DYNC1H1: variants seen among roughly 807,000 people sequenced by gnomAD.
DYNC1H1 encodes the protein dynein cytoplasmic 1 heavy chain 1, also known as cytoplasmic dynein 1 heavy chain 1.
DYNC1H1 carries 51 observed loss-of-function variants against 527.1 expected under a neutral mutation model. The ratio of observed to expected loss-of-function variants is 0.10; its 90% CI spans 0.08 to 0.12. DYNC1H1 has a LOEUF of 0.12. Among genes scored for constraint, DYNC1H1 ranks in the 10% least tolerant of loss-of-function variants. The pLI is 1.00. For synonymous variants in DYNC1H1, 2,189 were observed against 2,278.8 expected (o/e 0.96, Z 1.12); for missense variants, 2,771 against 5,971.8 (o/e 0.46, Z 17.66).
chr14:102,015,274 A>G lies in DYNC1H1; in HGVS notation c.7184A>G (p.Gln2395Arg), dbSNP rs2048306807. 1.2e-6 allele frequency: 2 copies of G among 1,614,246 alleles called. No individual in the cohort carries two copies. The highest frequency in any genetic ancestry group is 2.2e-5 in the East Asian group (1 of 44,880). ...CTGGATGAAGGGGAGGATGAGGCAC[A>G]GCGGCGGCGTAAGGGCAAAGAGGAT... Reference protein sequence around the residue: ...IPLDEGEDEAQRRRKGKEDEG... With the variant: ...IPLDEGEDEARRRRKGKEDEG... The change falls in exon 35 of 78, where the codon CAG (glutamine) becomes CGG (arginine). Residue 2395 changes from glutamine (Q) to arginine (R), a missense_variant. Gln to Arg is a conservative substitution (Grantham distance 43). Around this residue, in one of 32 missense-constraint regions of DYNC1H1, gnomAD observed 122 missense variants for 168.4 expected, o/e 0.72. Transcript: ENST00000360184. The surrounding 1 kb of genome is among the most constrained non-coding windows in gnomAD (Gnocchi z 6.9).
chr14:101,986,346 G>A lies in DYNC1H1; in HGVS notation c.2121G>A (p.Gln707=). The A allele has an allele frequency of 1.2e-6, 2 of 1,614,112 alleles. No individual in the cohort carries two copies. Among genetic ancestry groups the A allele is most frequent in the Non-Finnish European group, 1.7e-6 (2 of 1,180,002 alleles). ...TTGATGACTGGGCAAGGAAGGTGCA[G>A]CAGCGCAACCTCGGTGTCTCGGGGC... ...EIFDDWARKV[Q]QRNLGVSGRI... is the part of the protein sequence containing the mutation. Residue 707 remains glutamine (Q), a synonymous_variant, in exon 8 of 78, where the codon CAG becomes CAA. Transcript: ENST00000360184. The surrounding 1 kb of genome is among the most constrained non-coding windows in gnomAD (Gnocchi z 8.7).
intron 23 of DYNC1H1, among the ~76,000 whole-genome samples, chr14:102,004,052 T>C (rs1010353104): frequency 5.3e-5 from 8 of 151,706 alleles, no homozygotes; most frequent in Non-Finnish European, 7.4e-5. Flanking sequence ...CCATCCTGGC[T>C]AACATGGTGA....
Position 102,017,512 on chromosome 14 carries a change from A to G in DYNC1H1, c.8177+8A>G. On this transcript the variant is annotated splice_region_variant and intron_variant, in intron 40 of 77. Coordinates refer to ENST00000360184, the MANE Select transcript of DYNC1H1 (RefSeq NM_001376.5). The surrounding 1 kb of genome is among the most constrained non-coding windows in gnomAD (Gnocchi z 4.6). ...AAAGCCCCTCTCACACAGGTAAAACAGCTCGGTAGACTGCTCTGCTTCACA... is the reference window on the plus strand; with the variant it reads ...AAAGCCCCTCTCACACAGGTAAAACGGCTCGGTAGACTGCTCTGCTTCACA... The G allele has an allele frequency of 6.2e-7, 1 of 1,613,754 alleles. No homozygotes were observed. Among genetic ancestry groups the G allele is most frequent in the Non-Finnish European group, 8.5e-7 (1 of 1,180,014 alleles).
Position 102,044,708 on chromosome 14 carries a change from A to G in DYNC1H1, c.13006+10A>G. On this transcript the variant is annotated intron_variant, in intron 72 of 77. Coordinates refer to ENST00000360184, the MANE Select transcript of DYNC1H1 (RefSeq NM_001376.5). The surrounding 1 kb of genome is among the most constrained non-coding windows in gnomAD (Gnocchi z 7.1). ...CTCCTTACCACACAGGGTAGGCAAC[A>G]AGGATCCTCCCCACACGCAGGGTGG... The G allele has an allele frequency of 1.9e-6, 3 of 1,613,200 alleles. No individual in the cohort carries two copies. The highest frequency in any genetic ancestry group is 1.7e-6 in the Non-Finnish European group (2 of 1,179,954).
At chr14:102,013,713 T>G (rs1016735330) in intron 34 of DYNC1H1, among the ~76,000 whole-genome samples, 4 of 152,038 alleles carry the variant, frequency 2.6e-5, no homozygotes, top group Non-Finnish European at 5.9e-5. Flanking sequence ...TGTTGCCTGA[T>G]GTATGTCCAT....
chr14:101,992,081 A>G (rs1430773519), intron 11 of DYNC1H1, among the ~76,000 whole-genome samples: 1 of 152,120 alleles, frequency 6.6e-6, no homozygotes, highest in African/African-American at 2.4e-5. Context: ...CCCCCACCAG[A>G]TTATCTTGAA....
At position 102,032,265 on chromosome 14, in the gene DYNC1H1, C is replaced by T; in HGVS notation, c.9884-7C>T. On this transcript the variant is annotated splice_polypyrimidine_tract_variant and splice_region_variant and intron_variant, in intron 51 of 77. Coordinates refer to ENST00000360184, the MANE Select transcript of DYNC1H1 (RefSeq NM_001376.5). Reference sequence around the variant, plus strand: ...ATCGACCCTCATCCACTCCTGCTGCCACTCAGCTGTGAAGTCGATCAAGAA... The same window carrying T: ...ATCGACCCTCATCCACTCCTGCTGCTACTCAGCTGTGAAGTCGATCAAGAA... 1 of 1,613,558 alleles carries T rather than the reference C, an allele frequency of 6.2e-7. No homozygotes were observed. The highest frequency in any genetic ancestry group is 8.5e-7 in the Non-Finnish European group (1 of 1,180,020).
rs991437916 is a variant in DYNC1H1 at position 102,017,582 on chromosome 14, C to G, written c.8177+78C>G. ...GCTGTAAACACAGCGCCACAAAAACCTGGTTTTGATAATAAAGACAACAAT... is the reference window on the plus strand; with the variant it reads ...GCTGTAAACACAGCGCCACAAAAACGTGGTTTTGATAATAAAGACAACAAT... On this transcript the variant is annotated intron_variant, in intron 40 of 77. Coordinates refer to ENST00000360184, the MANE Select transcript of DYNC1H1 (RefSeq NM_001376.5). The surrounding 1 kb of genome is among the most constrained non-coding windows in gnomAD (Gnocchi z 4.6). 11 of 1,612,456 alleles carry G rather than the reference C, an allele frequency of 6.8e-6. No homozygotes were observed. Among genetic ancestry groups the G allele is most frequent in the African/African-American group, 4.0e-5 (3 of 74,898 alleles).
Position 102,038,522 on chromosome 14 carries a change from G to A in DYNC1H1, c.10971G>A (p.Gly3657=), listed in dbSNP as rs2048604336. The change falls in exon 58 of 78, where the codon GGG becomes GGA. Residue 3657 remains glycine (G), a synonymous_variant. Transcript: ENST00000360184. This position sits in a 1 kb window ranked among gnomAD's most constrained non-coding sequence, Gnocchi z 7.2. ...TGAACCGTGAAGTGCGGCGAACAGG[G>A]GGGAGAGTGCTGATCACTCTCGGGG... The part of the protein sequence containing the change: ...PVLNREVRRT[G]GRVLITLGDQ... 1 of 1,614,010 alleles carries A rather than the reference G, an allele frequency of 6.2e-7. No homozygotes were observed. The highest frequency in any genetic ancestry group is 1.1e-5 in the South Asian group (1 of 91,084).
intron 23 of DYNC1H1, among the ~76,000 whole-genome samples, chr14:102,003,266 C>CTTT (rs71468380): frequency 1.4e-5 from 2 of 141,348 alleles, no homozygotes; most frequent in Admixed American, 7.1e-5. Context: ...TGGCAGTTTT[C>CTTT]TTTTTTTTTT....
Position 102,027,316 on chromosome 14 carries a change from C to G in DYNC1H1, c.8886+28C>G, listed in dbSNP as rs568511914. 94 of 1,613,922 alleles carry G rather than the reference C, an allele frequency of 5.8e-5. 3 individuals are homozygous for G. In the South Asian group the frequency reaches 9.7e-4, roughly 17 times the overall value. ...GCGTCTGGTCGGTGGCCTCTTAATC[C>G]CAGCAACAGATGTGTGTGCAGAGCT... On this transcript the variant is annotated intron_variant, in intron 45 of 77. Coordinates refer to ENST00000360184, the MANE Select transcript of DYNC1H1 (RefSeq NM_001376.5). The surrounding 1 kb of genome is among the most constrained non-coding windows in gnomAD (Gnocchi z 7.7).
In DYNC1H1 at chr14:102,022,817, C is replaced by G. The variant is rs778246294; in HGVS notation, c.8574C>G (p.Phe2858Leu). ...ENIDTVALKH[F>L]PNIDREKAMS... ...TCGACACGGTTGCTCTGAAGCACTT[C>G]CCTAACATCGACAGAGAGAAGGCAA... The change falls in exon 43 of 78, where the codon TTC (phenylalanine) becomes TTG (leucine). Residue 2858 changes from phenylalanine (F) to leucine (L), a missense_variant. Transcript: ENST00000360184. 4 of 1,614,218 alleles carry G rather than the reference C, an allele frequency of 2.5e-6. No individual in the cohort carries two copies. Among genetic ancestry groups the G allele is most frequent in the Non-Finnish European group, 3.4e-6 (4 of 1,180,044 alleles).
In DYNC1H1 at chr14:102,027,643, G is replaced by A; in HGVS notation, c.9073G>A (p.Glu3025Lys). 1 of 1,614,142 alleles carries A rather than the reference G, an allele frequency of 6.2e-7. No individual in the cohort carries two copies. Among genetic ancestry groups the A allele is most frequent in the Non-Finnish European group, 8.5e-7 (1 of 1,180,016 alleles). The part of the protein sequence containing the change: ...GEVPGLFEGD[E>K]YATLMTQCKE... ...GGTGCCTGGTCTCTTTGAAGGAGACGAGTATGCCACCTTGATGACGCAGTG... is the reference window on the plus strand; with the variant it reads ...GGTGCCTGGTCTCTTTGAAGGAGACAAGTATGCCACCTTGATGACGCAGTG... The change falls in exon 47 of 78, where the codon GAG (glutamate) becomes AAG (lysine). Residue 3025 changes from glutamate (E) to lysine (K), a missense_variant. Physicochemically the swap from Glu to Lys is moderately conservative, Grantham distance 56 (BLOSUM62 1). Transcript: ENST00000360184. This position sits in a 1 kb window ranked among gnomAD's most constrained non-coding sequence, Gnocchi z 7.7.
chr14:101,983,095 T>C lies in DYNC1H1; in HGVS notation c.1038T>C (p.Ser346=), dbSNP rs780943929. ...ATTTCCCTCTGAATGATTTGCTGTC[T>C]GCCACGGAGCTGGACAAAATAAGAC... ...MKDFPLNDLL[S]ATELDKIRQA... The change falls in exon 6 of 78, where the codon TCT becomes TCC. Residue 346 remains serine, a synonymous_variant. Transcript: ENST00000360184. The surrounding 1 kb of genome is among the most constrained non-coding windows in gnomAD (Gnocchi z 5.3). The C allele has an allele frequency of 1.9e-6, 3 of 1,614,122 alleles. No homozygotes were observed. Among genetic ancestry groups the C allele is most frequent in the African/African-American group, 1.3e-5 (1 of 74,948 alleles).
rs778080828 is a variant in DYNC1H1 at position 102,049,821 on chromosome 14, G to A, written c.13623G>A (p.Leu4541=). The change falls in exon 76 of 78, where the codon CTG becomes CTA. Residue 4541 remains leucine, a synonymous_variant. Transcript: ENST00000360184. This position sits in a 1 kb window ranked among gnomAD's most constrained non-coding sequence, Gnocchi z 5.5. ...GCTGGTCCCTGGAGGAGCTCTGCCT[G>A]GAAGTCAACGTCACCACCTCACAGG... is the stretch of plus-strand genomic sequence containing the variant. ...ANSWSLEELC[L]EVNVTTSQGA... is the part of the protein sequence containing the mutation. 6.2e-7 allele frequency: 1 copy of A among 1,613,862 alleles called. No individual in the cohort carries two copies. Among genetic ancestry groups the A allele is most frequent in the Non-Finnish European group, 8.5e-7 (1 of 1,180,030 alleles).
intron 1 of DYNC1H1, among the ~76,000 whole-genome samples, chr14:101,968,581 T>C (rs1403057111): frequency 2.0e-5 from 3 of 152,100 alleles, no homozygotes; most frequent in Admixed American, 6.6e-5. Flanking sequence ...AATTTTTTTT[T>C]TGAGACAGGG....
In DYNC1H1 at chr14:102,012,208, A is replaced by G; in HGVS notation, c.6857+95A>G. The G allele has an allele frequency of 1.2e-6, 2 of 1,611,726 alleles. No homozygotes were observed. The highest frequency in any genetic ancestry group is 2.2e-5 in the South Asian group (2 of 90,866). ...CAGAGTATACGTTATTTTTCAACCA[A>G]AGTCTGAGCAAATTAAAGGTCATTT... is the stretch of plus-strand genomic sequence containing the variant. On this transcript the variant is annotated intron_variant, in intron 33 of 77. Transcript: ENST00000360184. The surrounding 1 kb of genome is among the most constrained non-coding windows in gnomAD (Gnocchi z 4.9).
chr14:102,042,778 C>T lies in DYNC1H1; in HGVS notation c.12513+30C>T, dbSNP rs1232704307. 5.0e-6 allele frequency: 8 copies of T among 1,611,186 alleles called. No individual in the cohort carries two copies. Among genetic ancestry groups the T allele is most frequent in the Non-Finnish European group, 5.9e-6 (7 of 1,178,252 alleles). On this transcript the variant is annotated intron_variant, in intron 69 of 77. Coordinates refer to ENST00000360184, the MANE Select transcript of DYNC1H1 (RefSeq NM_001376.5). The surrounding 1 kb of genome is among the most constrained non-coding windows in gnomAD (Gnocchi z 5.7). ...GTACCTTGTCCTCCTGGTATGCTTT[C>T]CCCATAGAAGCTAAAGCCCAGTCCC...
intron 11 of DYNC1H1, 36 bp downstream of exon 11, chr14:101,991,709 C>A: frequency 6.2e-7 from 1 of 1,613,770 alleles, no homozygotes. Context: ...ACGCCTCTGA[C>A]CAGGACTCTC....
Sources: gnomAD v4.1 joint callset for allele counts (sites outside exome capture counted in the v4.1 genomes callset) on GRCh38, gnomAD v4.1.1 for gene constraint, gnomAD v4.1.1 regional missense constraint, Gnocchi (gnomAD v3.1) non-coding constraint, MANE v1.5 for transcripts, NCBI Gene and HGNC (gene_info 2026-07-23, HGNC 2026-07-21) for gene names.